CLIC4: variants seen among roughly 807,000 people sequenced by gnomAD.
CLIC4 encodes the protein CLIC family member 4.
A neutral mutation model predicts 24.6 loss-of-function variants in CLIC4; 13 were observed. That is an observed-to-expected ratio of 0.53 (90% CI 0.34 to 0.84). CLIC4 has a LOEUF of 0.84. Ranked by LOEUF, CLIC4 falls within the 40% of genes least tolerant of loss-of-function variation. The probability of loss-of-function intolerance (pLI) is 0.01; values close to 1 mark genes in which losing one functional copy is unlikely to be tolerated. For synonymous variants in CLIC4, 104 were observed against 111.3 expected, an observed-to-expected ratio of 0.93 and a Z score of 0.41; for missense variants, 227 against 301.7, an observed-to-expected ratio of 0.75 and a Z score of 1.83.
intron 1 of CLIC4, among the ~76,000 whole-genome samples, chr1:24,751,175 C>T (rs1025177949): frequency 6.6e-6 from 1 of 151,334 alleles, no homozygotes; most frequent in Non-Finnish European, 1.5e-5. Context: ...TATGTACTCA[C>T]CTCTTTTTTT....
At chr1:24,824,417 G>A (rs1056108430) in intron 3 of CLIC4, among the ~76,000 whole-genome samples, 2 of 152,086 alleles carry the variant, frequency 1.3e-5, no homozygotes, top group African/African-American at 4.8e-5. Flanking sequence ...ACAGGCACCC[G>A]CTACCATGCC....
intron 1 of CLIC4, among the ~76,000 whole-genome samples, chr1:24,757,324 C>T (rs770385511): frequency 6.6e-6 from 1 of 152,178 alleles, no homozygotes; most frequent in Non-Finnish European, 1.5e-5. Flanking sequence ...AGCCACTGCA[C>T]GTGGTCTTAA....
At chr1:24,752,453 C>T (rs932807250) in intron 1 of CLIC4, among the ~76,000 whole-genome samples, 4 of 152,154 alleles carry the variant, frequency 2.6e-5, no homozygotes, top group African/African-American at 7.2e-5. Context: ...GAGCATTGTC[C>T]TCTTCTGAAT....
intron 1 of CLIC4, among the ~76,000 whole-genome samples, chr1:24,784,074 C>T (rs1363244922): frequency 6.6e-6 from 1 of 150,906 alleles, no homozygotes; most frequent in Non-Finnish European, 1.5e-5. Context: ...AGAGTTTTTC[C>T]ACATTCATTC....
At chr1:24,794,749 C>T (rs970781486) in intron 1 of CLIC4, among the ~76,000 whole-genome samples, 5 of 152,144 alleles carry the variant, frequency 3.3e-5, no homozygotes, top group African/African-American at 4.8e-5. Context: ...TTGGCATCTT[C>T]GTCATGAAAT....
rs1281267050 is a variant in CLIC4 at position 24,766,497 on chromosome 1, T to G, written c.72+20872T>G. ...GGTTTTTTTTTTTTTTTTTTTTTTT[T>G]TTTTTTTTTTTTTTTTTTTTTTTTG... On this transcript the variant is annotated intron_variant, in intron 1 of 5. Transcript: ENST00000374379. 2.9e-3 allele frequency among the ~76,000 whole-genome samples: 231 copies of G among 80,596 alleles called. 5 individuals are homozygous for G. Among genetic ancestry groups the G allele is most frequent in the African/African-American group, 0.013 (221 of 17,586 alleles). The allele number at this position is 80,596 out of a possible 152,430, so 52.9% of individuals were successfully genotyped here.
intron 1 of CLIC4, among the ~76,000 whole-genome samples, chr1:24,755,063 C>G (rs1638828795): frequency 7.3e-6 from 1 of 137,826 alleles, no homozygotes; most frequent in South Asian, 2.4e-4. Context: ...CAGAGTAAGA[C>G]TCCGTCTCAA....
At chr1:24,776,602 A>G (rs1639143889) in intron 1 of CLIC4, among the ~76,000 whole-genome samples, 1 of 152,232 alleles carries the variant, frequency 6.6e-6, no homozygotes, top group African/African-American at 2.4e-5. Flanking sequence ...TTTATTTTAA[A>G]TGAAAGTATT....
chr1:24,766,606 T>A lies in CLIC4; in HGVS notation c.72+20981T>A, dbSNP rs540039677. ...GCAACCTCCGTCTCCTGGGCTCAAG[T>A]GATTCTTGTGCCTCAGCTTCCCTAG... On this transcript the variant is annotated intron_variant, in intron 1 of 5. Coordinates refer to ENST00000374379, the MANE Select transcript of CLIC4 (RefSeq NM_013943.3). Among the ~76,000 whole-genome samples the A allele has an allele frequency of 1.3e-3, 187 of 148,794 alleles. 1 individual carries two copies. The highest frequency in any genetic ancestry group is 2.3e-3 in the Non-Finnish European group (157 of 67,378).
At chr1:24,835,293 T>G (rs570134274) in intron 4 of CLIC4, among the ~76,000 whole-genome samples, 17 of 152,378 alleles carry the variant, frequency 1.1e-4, no homozygotes, top group African/African-American at 4.1e-4. Context: ...TCAGGTGCGG[T>G]GGCTCACGCC....
At chr1:24,830,370 A>G (rs1362014261) in intron 4 of CLIC4, among the ~76,000 whole-genome samples, 3 of 151,902 alleles carry the variant, frequency 2.0e-5, no homozygotes, top group East Asian at 3.9e-4. Context: ...ATCTACCTCA[A>G]TTTTTAGAAA....
intron 3 of CLIC4, 107 bp from the exon 4 acceptor site, chr1:24,826,903 T>TAATAA: frequency 1.5e-6 from 1 of 677,812 alleles, no homozygotes; most frequent in South Asian, 2.0e-5. Context: ...TTTCTTATAG[T>TAATAA]AATAACTATT....
chr1:24,785,581 C>G (rs1557802109), intron 1 of CLIC4, among the ~76,000 whole-genome samples: 1 of 152,068 alleles, frequency 6.6e-6, no homozygotes, highest in South Asian at 2.1e-4. Context: ...AGGCTGGGCG[C>G]GGCGGCTCAC....
At position 24,842,836 on chromosome 1, in the gene CLIC4, A is replaced by G. The variant is rs1639956832; in HGVS notation, c.*1899A>G. The G allele has an allele frequency of 6.6e-6, 1 of 152,126 alleles. No individual in the cohort carries two copies. 9.4% of individuals were successfully genotyped at this position (152,126 alleles called of 1,614,324 possible). On this transcript the variant is annotated 3_prime_UTR_variant, in exon 6 of 6. Coordinates refer to ENST00000374379, the MANE Select transcript of CLIC4 (RefSeq NM_013943.3). ...CATCTGCACCAGTACACAGGCAGGCATTATCATTCTTCACCTACTTTTTAA... is the reference window on the plus strand; with the variant it reads ...CATCTGCACCAGTACACAGGCAGGCGTTATCATTCTTCACCTACTTTTTAA...
chr1:24,829,422 A>T (rs896848752), intron 4 of CLIC4, among the ~76,000 whole-genome samples: 1 of 152,146 alleles, frequency 6.6e-6, no homozygotes, highest in East Asian at 1.9e-4. Context: ...TTTTGATAAC[A>T]CGTTCAAGTT....
At chr1:24,805,708 T>C (rs765491108) in intron 2 of CLIC4, among the ~76,000 whole-genome samples, 1 of 152,162 alleles carries the variant, frequency 6.6e-6, no homozygotes, top group Non-Finnish European at 1.5e-5. Flanking sequence ...CCAGCTCCGG[T>C]GTTCTCTAGC....
chr1:24,784,214 A>G (rs1432071228), intron 1 of CLIC4, among the ~76,000 whole-genome samples: 3 of 151,814 alleles, frequency 2.0e-5, no homozygotes, highest in Non-Finnish European at 4.4e-5. Context: ...ACAACAAACA[A>G]CTCCCCTAAC....
At chr1:24,809,985 A>G (rs1046097412) in intron 2 of CLIC4, among the ~76,000 whole-genome samples, 1 of 152,236 alleles carries the variant, frequency 6.6e-6, no homozygotes, top group Non-Finnish European at 1.5e-5. Flanking sequence ...AGAATAGAAT[A>G]AACTTCTCCG....
intron 3 of CLIC4, among the ~76,000 whole-genome samples, chr1:24,820,538 A>G (rs938456772): frequency 6.6e-6 from 1 of 152,042 alleles, no homozygotes; most frequent in Non-Finnish European, 1.5e-5. Context: ...TGCTGGGATT[A>G]CACATGTAAG....
Sources: gnomAD v4.1 joint callset for allele counts (sites outside exome capture counted in the v4.1 genomes callset) on GRCh38, gnomAD v4.1.1 for gene constraint, MANE v1.5 for transcripts, NCBI Gene and HGNC (gene_info 2026-07-23, HGNC 2026-07-21) for gene names.